ADAMTSL1: variants seen among roughly 807,000 people sequenced by gnomAD.
ADAMTSL1 encodes ADAMTS-like protein 1.
A neutral mutation model predicts 201.8 loss-of-function variants in ADAMTSL1; 126 were observed. The ratio of observed to expected loss-of-function variants is 0.62; its 90% CI spans 0.54 to 0.72. ADAMTSL1 has a LOEUF of 0.72. Ranked by LOEUF, ADAMTSL1 falls within the 30% of genes least tolerant of loss-of-function variation. ADAMTSL1 has a pLI of 0.00. For missense variants in ADAMTSL1, 2,679 were observed against 2,277.8 expected (o/e 1.18, Z -3.59); for synonymous variants, 1,121 against 903.4 (o/e 1.24, Z -4.32).
At chr9:18,543,121 T>G (rs111456062) in intron 3 of ADAMTSL1, among the ~76,000 whole-genome samples, 1 of 152,186 alleles carries the variant, frequency 6.6e-6, no homozygotes, top group African/African-American at 2.4e-5. Flanking sequence ...TGCTGTATAT[T>G]CTCAGAATTA....
At position 18,905,907 on chromosome 9, in the gene ADAMTSL1, G is replaced by C. The variant is rs371118274; in HGVS notation, c.4961+16G>C. On this transcript the variant is annotated intron_variant, in intron 27 of 28. Transcript: ENST00000380548. ...CTCTTCCGAGGTAAGAGAAAGCCCTGAATCTCCTTTTCCCAGCCCCATGTC... is the reference window on the plus strand; with the variant it reads ...CTCTTCCGAGGTAAGAGAAAGCCCTCAATCTCCTTTTCCCAGCCCCATGTC... 1.3e-5 allele frequency: 21 copies of C among 1,584,434 alleles called. No homozygotes were observed. In the African/African-American group the frequency reaches 2.6e-4, roughly 19 times the overall value.
intron 1 of ADAMTSL1, among the ~76,000 whole-genome samples, chr9:18,157,343 T>C (rs1038622959): frequency 5.9e-5 from 9 of 152,060 alleles, no homozygotes; most frequent in East Asian, 1.9e-4. Flanking sequence ...TAGAATCCTG[T>C]CTTGTCAAGG....
intron 2 of ADAMTSL1, among the ~76,000 whole-genome samples, chr9:18,254,906 G>A (rs1831623995): frequency 6.6e-6 from 1 of 151,990 alleles, no homozygotes; most frequent in Non-Finnish European, 1.5e-5. Context: ...GAATTAAATT[G>A]GTAATCTTCC....
At chr9:18,573,247 C>T (rs1044743652) in intron 3 of ADAMTSL1, 3 of 154,534 alleles carry the variant, frequency 1.9e-5, no homozygotes, top group African/African-American at 7.2e-5. Flanking sequence ...CAGTATATTC[C>T]TTGTGCATAT....
At chr9:18,828,424 GAGAA>G (rs1824735284) in intron 22 of ADAMTSL1, among the ~76,000 whole-genome samples, 1 of 151,802 alleles carries the variant, frequency 6.6e-6, no homozygotes, top group South Asian at 2.1e-4. Flanking sequence ...TTGAGGAGGA[GAGAA>G]AGAGAGATGC....
chr9:18,356,005 G>A (rs1383345493), intron 2 of ADAMTSL1, among the ~76,000 whole-genome samples: 1 of 152,250 alleles, frequency 6.6e-6, no homozygotes, highest in East Asian at 1.9e-4. Flanking sequence ...GCCCACCTGG[G>A]CTGTGTCTGA....
intron 1 of ADAMTSL1, among the ~76,000 whole-genome samples, chr9:18,118,119 T>A (rs1011272156): frequency 2.0e-5 from 3 of 152,220 alleles, no homozygotes; most frequent in African/African-American, 4.8e-5. Context: ...TCTCACTTGA[T>A]GAGTTTCATA....
chr9:18,543,119 A>T (rs1248439247), intron 3 of ADAMTSL1, among the ~76,000 whole-genome samples: 1 of 152,216 alleles, frequency 6.6e-6, no homozygotes, highest in East Asian at 1.9e-4. Flanking sequence ...ATTGCTGTAT[A>T]TTCTCAGAAT....
Position 18,887,929 on chromosome 9 carries a change from G to A in ADAMTSL1, c.4348G>A (p.Ala1450Thr). 1 of 1,613,990 alleles carries A rather than the reference G, an allele frequency of 6.2e-7. No individual in the cohort carries two copies. Among genetic ancestry groups the A allele is most frequent in the Non-Finnish European group, 8.5e-7 (1 of 1,179,896 alleles). ...ATGLTHHILA[A>T]GQILQVANLS... ...AGGACTGACGCATCACATCTTGGCA[G>A]CTGGACAGATCCTTCAAGTTGCAAA... Residue 1450 changes from alanine to threonine, a missense_variant, in exon 24 of 29, where the codon GCT (alanine) becomes ACT (threonine). By Grantham distance (58) the Ala-to-Thr change is moderately conservative. Coordinates refer to ENST00000380548, the MANE Select transcript of ADAMTSL1 (RefSeq NM_001040272.6).
At chr9:17,998,599 C>A (rs926954065) in intron 1 of ADAMTSL1, among the ~76,000 whole-genome samples, 1 of 151,966 alleles carries the variant, frequency 6.6e-6, no homozygotes, top group Non-Finnish European at 1.5e-5. Context: ...TGTATTTTTT[C>A]TTTTAATAAT....
chr9:18,390,807 CAAAA>C (rs200541896), intron 2 of ADAMTSL1, among the ~76,000 whole-genome samples: 1 of 150,538 alleles, frequency 6.6e-6, no homozygotes, highest in African/African-American at 2.4e-5. Flanking sequence ...CAAAACAAAA[CAAAA>C]AAAAACACCA....
intron 3 of ADAMTSL1, among the ~76,000 whole-genome samples, chr9:18,537,922 AAAG>A (rs1403429616): frequency 2.7e-5 from 4 of 150,350 alleles, no homozygotes; most frequent in African/African-American, 4.9e-5. Flanking sequence ...AGAAGAGAAG[AAAG>A]AAGAAGAGGA....
chr9:18,291,948 T>C (rs1267464032), intron 2 of ADAMTSL1, among the ~76,000 whole-genome samples: 2 of 152,096 alleles, frequency 1.3e-5, no homozygotes. Context: ...TCATCAGCCA[T>C]ATTTTAAGAA....
At chr9:18,604,400 T>C (rs1824869893) in intron 4 of ADAMTSL1, among the ~76,000 whole-genome samples, 1 of 152,224 alleles carries the variant, frequency 6.6e-6, no homozygotes, top group Non-Finnish European at 1.5e-5. Flanking sequence ...GAGGAAACTT[T>C]CACTTTCTAT....
At chr9:18,423,307 AC>A (rs1486063755) in intron 2 of ADAMTSL1, among the ~76,000 whole-genome samples, 2 of 152,328 alleles carry the variant, frequency 1.3e-5, no homozygotes, top group East Asian at 3.9e-4. Flanking sequence ...GAGGGTTTTA[AC>A]CTTGTTATAT....
At chr9:18,851,809 C>A (rs1439787765) in intron 23 of ADAMTSL1, among the ~76,000 whole-genome samples, 1 of 152,126 alleles carries the variant, frequency 6.6e-6, no homozygotes, top group East Asian at 1.9e-4. Flanking sequence ...GTCAAACTTT[C>A]CTAGAGGAAG....
At chr9:18,476,562 G>A (rs1422333590) in intron 1 of ADAMTSL1, among the ~76,000 whole-genome samples, 1 of 152,148 alleles carries the variant, frequency 6.6e-6, no homozygotes, top group African/African-American at 2.4e-5. Context: ...AAGAGATTGT[G>A]ACCTTTAGCC....
chr9:18,037,183 C>T (rs1342498144), intron 1 of ADAMTSL1, among the ~76,000 whole-genome samples: 1 of 152,162 alleles, frequency 6.6e-6, no homozygotes, highest in Non-Finnish European at 1.5e-5. Flanking sequence ...AAACTTCAAG[C>T]TAGAGCTGGG....
intron 2 of ADAMTSL1, among the ~76,000 whole-genome samples, chr9:18,285,948 A>C (rs577516398): frequency 6.6e-6 from 1 of 152,132 alleles, no homozygotes; most frequent in East Asian, 1.9e-4. Flanking sequence ...GTTCTATCTA[A>C]GAACATTTTC....
Sources: gnomAD v4.1 joint callset for allele counts (sites outside exome capture counted in the v4.1 genomes callset) on GRCh38, gnomAD v4.1.1 for gene constraint, MANE v1.5 for transcripts, NCBI Gene and HGNC (gene_info 2026-07-23, HGNC 2026-07-21) for gene names.